Variants in RAI14 observed in about 807,000 individuals in gnomAD.
RAI14 encodes ankycorbin.
Under a neutral mutation model 115.4 loss-of-function variants are expected in RAI14, and 45 were observed. That is an observed-to-expected ratio of 0.39 (90% CI 0.31 to 0.50). The LOEUF (loss-of-function observed/expected upper bound fraction) is 0.50, where lower values mean the gene tolerates loss of function less well. RAI14 is among the 20% of genes least tolerant of loss of function. The pLI is 0.85. For missense variants in RAI14, 939 were observed against 1,131.2 expected, an observed-to-expected ratio of 0.83 and a Z score of 2.44; for synonymous variants, 371 against 415.4, an observed-to-expected ratio of 0.89 and a Z score of 1.30.
intron 2 of RAI14, among the ~76,000 whole-genome samples, chr5:34,741,951 G>A (rs1262425591): frequency 2.6e-5 from 4 of 152,182 alleles, no homozygotes; most frequent in African/African-American, 9.7e-5. Context: ...CAGGAGCTTG[G>A]CAAAGAGGAA....
intron 2 of RAI14, among the ~76,000 whole-genome samples, chr5:34,707,088 A>G (rs1178852807): frequency 6.6e-6 from 1 of 152,234 alleles, no homozygotes; most frequent in Non-Finnish European, 1.5e-5. Context: ...ACCGCAGGCT[A>G]TATTTACTGA....
chr5:34,742,908 C>A (rs553524712), intron 2 of RAI14, among the ~76,000 whole-genome samples: 1 of 152,288 alleles, frequency 6.6e-6, no homozygotes, highest in South Asian at 2.1e-4. Flanking sequence ...GTGATCCACC[C>A]GCCTTGGCCT....
chr5:34,665,059 A>G (rs868687257), intron 1 of RAI14, among the ~76,000 whole-genome samples: 1 of 46,746 alleles, frequency 2.1e-5, no homozygotes. Context: ...ATATATGTGT[A>G]TATATATGTG....
At chr5:34,679,474 G>A (rs559873143) in intron 1 of RAI14, among the ~76,000 whole-genome samples, 7 of 152,164 alleles carry the variant, frequency 4.6e-5, no homozygotes, top group South Asian at 2.1e-4. Context: ...AGGGGAGTAA[G>A]GTCTCACATG....
At chr5:34,675,484 G>A (rs1024399029) in intron 1 of RAI14, among the ~76,000 whole-genome samples, 4 of 152,206 alleles carry the variant, frequency 2.6e-5, no homozygotes, top group African/African-American at 9.7e-5. Flanking sequence ...CAGGCGTGGT[G>A]GCTCATGCCT....
rs191011670 is a variant in RAI14 at position 34,789,088 on chromosome 5, C to G, written c.168-6851C>G. On this transcript the variant is annotated intron_variant, in intron 3 of 17. Coordinates refer to ENST00000265109, the MANE Select transcript of RAI14 (RefSeq NM_015577.3). ...ATTTAGAGTTGCCAGCTATCCAGGA[C>G]ACAGGCCATGAGAGGGCACCAGTCA... is the stretch of plus-strand genomic sequence containing the variant. Among the ~76,000 whole-genome samples the G allele has an allele frequency of 1.9e-3, 291 of 152,316 alleles. 1 individual carries two copies. The highest frequency in any genetic ancestry group is 6.5e-3 in the African/African-American group (269 of 41,570).
intron 1 of RAI14, among the ~76,000 whole-genome samples, chr5:34,669,154 C>A (rs1367350576): frequency 6.6e-6 from 1 of 152,186 alleles, no homozygotes; most frequent in African/African-American, 2.4e-5. Context: ...CACACCCAGC[C>A]AGTAATTAGG....
chr5:34,701,048 G>A (rs1739996505), intron 2 of RAI14, among the ~76,000 whole-genome samples: 1 of 152,156 alleles, frequency 6.6e-6, no homozygotes, highest in African/African-American at 2.4e-5. Flanking sequence ...TTTTGATGGG[G>A]CAGCTATGTC....
chr5:34,701,982 T>C (rs1740133046), intron 2 of RAI14, among the ~76,000 whole-genome samples: 1 of 151,930 alleles, frequency 6.6e-6, no homozygotes, highest in Non-Finnish European at 1.5e-5. Context: ...CCGGCTAATT[T>C]TTTGTATTTT....
At chr5:34,753,912 CAAAA>C (rs34458773) in intron 2 of RAI14, among the ~76,000 whole-genome samples, 2 of 117,274 alleles carry the variant, frequency 1.7e-5, no homozygotes, top group Admixed American at 9.0e-5. Flanking sequence ...GACTCTATCT[CAAAA>C]AAAAAAAAAA....
At chr5:34,813,951 A>C (rs1407528694) in intron 11 of RAI14, among the ~76,000 whole-genome samples, 1 of 152,212 alleles carries the variant, frequency 6.6e-6, no homozygotes, top group Non-Finnish European at 1.5e-5. Context: ...CCCTTAAGAT[A>C]AGTTCAATTT....
At chr5:34,716,095 T>C in intron 2 of RAI14, 1 of 446,118 alleles carries the variant, frequency 2.2e-6, no homozygotes, top group Non-Finnish European at 4.5e-6. Flanking sequence ...TGGAAATGCC[T>C]GATAACATAC....
chr5:34,745,085 A>C (rs1745994825), intron 2 of RAI14, among the ~76,000 whole-genome samples: 1 of 152,180 alleles, frequency 6.6e-6, no homozygotes, highest in African/African-American at 2.4e-5. Flanking sequence ...TCTTAACTTG[A>C]TGATGTTTGC....
intron 12 of RAI14, among the ~76,000 whole-genome samples, chr5:34,815,939 T>C (rs7731318): frequency 0.29 from 44,113 of 152,072 alleles, 7,691 homozygotes; most frequent in African/African-American, 0.48. Context: ...AATAAATTAA[T>C]TTTTTCAAAA....
intron 3 of RAI14, among the ~76,000 whole-genome samples, chr5:34,766,189 C>T (rs1300301927): frequency 6.6e-6 from 1 of 152,286 alleles, no homozygotes; most frequent in South Asian, 2.1e-4. Flanking sequence ...GATCCCCTCA[C>T]AGAGTCCCTA....
At chr5:34,764,570 T>TCACA (rs1199884298) in intron 3 of RAI14, among the ~76,000 whole-genome samples, 1 of 150,234 alleles carries the variant, frequency 6.7e-6, no homozygotes, top group East Asian at 2.0e-4. Flanking sequence ...TCTCTCTCTC[T>TCACA]CACACACAAA....
chr5:34,753,616 C>T (rs1747442077), intron 2 of RAI14, among the ~76,000 whole-genome samples: 1 of 151,918 alleles, frequency 6.6e-6, no homozygotes, highest in Admixed American at 6.6e-5. Flanking sequence ...CCCATCTCTA[C>T]TGAAAATACA....
intron 4 of RAI14, 57 bp downstream of exon 4, chr5:34,796,084 A>T: frequency 2.9e-6 from 4 of 1,360,682 alleles, no homozygotes; most frequent in Non-Finnish European, 4.2e-6. Context: ...GGTATCAAAA[A>T]GTAATACATA....
chr5:34,688,943 T>C (rs1334525867), intron 2 of RAI14, among the ~76,000 whole-genome samples: 2 of 152,212 alleles, frequency 1.3e-5, no homozygotes, highest in African/African-American at 2.4e-5. Flanking sequence ...GGTATTACTA[T>C]TAAGCTCATT....
Sources: gnomAD v4.1 joint callset for allele counts (sites outside exome capture counted in the v4.1 genomes callset) on GRCh38, gnomAD v4.1.1 for gene constraint, MANE v1.5 for transcripts, NCBI Gene and HGNC (gene_info 2026-07-23, HGNC 2026-07-21) for gene names.